RPA2: variants seen among roughly 807,000 people sequenced by gnomAD.
The protein encoded by RPA2 is replication protein A 32 kDa subunit.
In RPA2, 22 loss-of-function variants were observed where a neutral mutation model predicts 33.4. The ratio of observed to expected loss-of-function variants is 0.66; its 90% CI spans 0.47 to 0.94. The LOEUF (loss-of-function observed/expected upper bound fraction) is 0.94. RPA2 is among the 40% of genes least tolerant of loss of function. RPA2 has a pLI of 0.00. For missense variants in RPA2, 279 were observed against 329.9 expected, an observed-to-expected ratio of 0.85 and a Z score of 1.19; for synonymous variants, 109 against 114.9, an observed-to-expected ratio of 0.95 and a Z score of 0.33.
chr1:27,898,125 T>C (rs1461134860), intron 4 of RPA2, among the ~76,000 whole-genome samples: 5 of 152,080 alleles, frequency 3.3e-5, no homozygotes, highest in African/African-American at 1.2e-4. Context: ...ACTTCCCCAG[T>C]AGCTGGGATT....
intron 4 of RPA2, among the ~76,000 whole-genome samples, chr1:27,899,902 G>A (rs989135116): frequency 3.3e-5 from 5 of 152,062 alleles, no homozygotes; most frequent in African/African-American, 9.7e-5. Context: ...GGATGGTCTC[G>A]ATCTCCTGAC....
intron 2 of RPA2, among the ~76,000 whole-genome samples, chr1:27,911,205 C>T (rs572168331): frequency 5.3e-4 from 80 of 151,596 alleles, no homozygotes; most frequent in Admixed American, 3.2e-3. Context: ...AACAGAGAGA[C>T]TGTCTCAAAA....
In RPA2 at chr1:27,892,009, G is replaced by T; in HGVS notation, c.*154C>A. The stretch of plus-strand genomic sequence containing the variant: ...TCAAACAAAACAAAATAAAACAGAA[G>T]AGCAGTAAGTTTCAAAAGGAAGTCA... On this transcript the variant is annotated 3_prime_UTR_variant, in exon 9 of 9. Transcript: ENST00000373912. The T allele has an allele frequency of 3.6e-6, 2 of 558,390 alleles. No individual in the cohort carries two copies. The highest frequency in any genetic ancestry group is 2.8e-5 in the South Asian group (1 of 36,066). 34.6% of individuals were successfully genotyped at this position (558,390 alleles called of 1,614,324 possible). A position where few individuals can be genotyped will look rare whatever the true frequency, so the allele number is the denominator to read the frequency against.
Position 27,914,141 on chromosome 1 carries a change from T to A in RPA2, c.39A>T (p.Ser13=). The A allele has an allele frequency of 6.2e-7, 1 of 1,613,686 alleles. No homozygotes were observed. Among genetic ancestry groups the A allele is most frequent in the South Asian group, 1.1e-5 (1 of 91,064 alleles). The change falls in exon 2 of 9, where the codon TCA becomes TCT. Residue 13 remains serine (S), a synonymous_variant. Transcript: ENST00000373912. Reference sequence around the variant, plus strand: ...GCGTGTAGCCGCCGGCTCCCCCGTATGAGGAGCTGCCATAGCTTTCGAATC... The same window carrying A: ...GCGTGTAGCCGCCGGCTCCCCCGTAAGAGGAGCTGCCATAGCTTTCGAATC... ...NSGFESYGSS[S]YGGAGGYTQS... is the part of the protein sequence containing the mutation.
chr1:27,903,853 C>G (rs1347414004), intron 4 of RPA2, among the ~76,000 whole-genome samples: 1 of 142,752 alleles, frequency 7.0e-6, no homozygotes, highest in Non-Finnish European at 1.5e-5. Flanking sequence ...AGCCAAGACC[C>G]TGTCTCTATT....
At position 27,898,637 on chromosome 1, in the gene RPA2, A is replaced by C. The variant is rs183946591; in HGVS notation, c.334-930T>G. Among the ~76,000 whole-genome samples the C allele has an allele frequency of 6.7e-5, 10 of 150,350 alleles. No homozygotes were observed. In the East Asian group the frequency reaches 2.0e-3, roughly 30 times the overall value. On this transcript the variant is annotated intron_variant, in intron 4 of 8. Transcript: ENST00000373912. ...CTCGGCTCATTGCAACCTCTGCCTC[A>C]CAAGTTTAAGTGATTCTCCTGCCTC...
intron 4 of RPA2, among the ~76,000 whole-genome samples, chr1:27,899,628 TG>T (rs2089941012): frequency 6.6e-6 from 1 of 151,660 alleles, no homozygotes; most frequent in Admixed American, 6.6e-5. Flanking sequence ...ATATATTCCA[TG>T]TAGATCATAG....
At chr1:27,893,954 T>C (rs112117128) in intron 8 of RPA2, 58 bp downstream of exon 8, 25 of 1,445,870 alleles carry the variant, frequency 1.7e-5, no homozygotes, top group African/African-American at 5.6e-5. Context: ...CAGGAAACCC[T>C]TGTGAGGTGA....
intron 5 of RPA2, 26 bp from the exon 6 acceptor site, chr1:27,897,147 G>T: frequency 6.7e-7 from 1 of 1,494,352 alleles, no homozygotes; most frequent in South Asian, 1.2e-5. Flanking sequence ...AAAAAAATGT[G>T]AATAAAATAT....
At chr1:27,895,198 A>C (rs2089874267) in intron 6 of RPA2, among the ~76,000 whole-genome samples, 1 of 152,190 alleles carries the variant, frequency 6.6e-6, no homozygotes, top group South Asian at 2.1e-4. Flanking sequence ...CCTAGGCCAC[A>C]AATCCTCATT....
intron 2 of RPA2, among the ~76,000 whole-genome samples, chr1:27,910,511 T>C (rs988131270): frequency 7.2e-5 from 11 of 152,168 alleles, no homozygotes; most frequent in South Asian, 4.1e-4. Context: ...TATGCTTAAT[T>C]TTGGAAAAAC....
In RPA2 at chr1:27,903,694, G is replaced by C. The variant is rs72872874; in HGVS notation, c.333+3234C>G. 5.5e-3 allele frequency among the ~76,000 whole-genome samples: 817 copies of C among 149,716 alleles called. 10 individuals are homozygous for C. The highest frequency in any genetic ancestry group is 0.017 in the African/African-American group (689 of 40,614). ...AGATTGCACCAATGCACTCCAGCCC[G>C]GATAACACGAGTGAAGCTCAGTCTC... On this transcript the variant is annotated intron_variant, in intron 4 of 8. Coordinates refer to ENST00000373912, the MANE Select transcript of RPA2 (RefSeq NM_002946.5).
rs769164502 is a variant in RPA2, at chr1:27,906,973, G to A, written c.288C>T (p.Asp96=). ...GAACGTCCATGGGTGCAGCTGTCAT[G>A]TCATCTATTTTGTAAACAATGTTGG... ...APTNIVYKID[D]MTAAPMDVRQ... The change falls in exon 4 of 9, where the codon GAC becomes GAT. Residue 96 remains aspartate (D), a synonymous_variant. Transcript: ENST00000373912. 6.2e-7 allele frequency: 1 copy of A among 1,613,498 alleles called. No homozygotes were observed. Among genetic ancestry groups the A allele is most frequent in the Non-Finnish European group, 8.5e-7 (1 of 1,179,966 alleles).
At chr1:27,899,223 A>C (rs2089932127) in intron 4 of RPA2, among the ~76,000 whole-genome samples, 1 of 151,606 alleles carries the variant, frequency 6.6e-6, no homozygotes, top group Non-Finnish European at 1.5e-5. Flanking sequence ...TAATACAAAA[A>C]AAAGGGTGGG....
intron 2 of RPA2, among the ~76,000 whole-genome samples, chr1:27,912,360 A>G (rs1049553152): frequency 5.3e-5 from 8 of 151,452 alleles, no homozygotes; most frequent in African/African-American, 1.9e-4. Flanking sequence ...CCTAGCCAAC[A>G]TGGCCAAATG....
In RPA2 at chr1:27,906,984, T is replaced by C. The variant is rs1362459002; in HGVS notation, c.277A>G (p.Lys93Glu). ...AEKAPTNIVY[K>E]IDDMTAAPMD... ...GGTGCAGCTGTCATGTCATCTATTT[T>C]GTAAACAATGTTGGTTGGAGCCTTC... The change falls in exon 4 of 9, where the codon AAA (lysine) becomes GAA (glutamate). Residue 93 changes from lysine to glutamate, a missense_variant. Physicochemically the swap from Lys to Glu is moderately conservative, Grantham distance 56. Coordinates refer to ENST00000373912, the MANE Select transcript of RPA2 (RefSeq NM_002946.5). 1.9e-6 allele frequency: 3 copies of C among 1,613,980 alleles called. No individual in the cohort carries two copies. Among genetic ancestry groups the C allele is most frequent in the East Asian group, 4.5e-5 (2 of 44,892 alleles).
At chr1:27,894,790 A>G (rs1469033305) in intron 6 of RPA2, among the ~76,000 whole-genome samples, 1 of 152,090 alleles carries the variant, frequency 6.6e-6, no homozygotes, top group Non-Finnish European at 1.5e-5. Context: ...CACAGTCCCT[A>G]TCGTCCTCTC....
At chr1:27,911,655 T>C (rs1445070321) in intron 2 of RPA2, among the ~76,000 whole-genome samples, 3 of 152,190 alleles carry the variant, frequency 2.0e-5, no homozygotes, top group African/African-American at 4.8e-5. Context: ...GTTGGATTTG[T>C]TCAGCATCAT....
At chr1:27,906,133 G>A (rs1428758342) in intron 4 of RPA2, among the ~76,000 whole-genome samples, 1 of 152,044 alleles carries the variant, frequency 6.6e-6, no homozygotes, top group Non-Finnish European at 1.5e-5. Flanking sequence ...ACTTTGAGAG[G>A]CTGAGGAGGG....
Sources: gnomAD v4.1 joint callset for allele counts (sites outside exome capture counted in the v4.1 genomes callset) on GRCh38, gnomAD v4.1.1 for gene constraint, MANE v1.5 for transcripts, NCBI Gene and HGNC (gene_info 2026-07-23, HGNC 2026-07-21) for gene names.